SPATA31C1: variants seen among roughly 807,000 people sequenced by gnomAD.
SPATA31C1 encodes the protein SPATA31 subfamily C member 1.
chr9:87,920,876 C>T (rs1380481497), exon 5 of SPATA31C1: 1 of 1,613,406 alleles, frequency 6.2e-7, no homozygotes, highest in South Asian at 1.1e-5. Context: ...CCACAATGTC[C>T]CCACTGCTTT....
At chr9:87,922,436 C>T (rs1048037605) in exon 5 of SPATA31C1, 1 of 1,610,288 alleles carries the variant, frequency 6.2e-7, no homozygotes, top group African/African-American at 1.3e-5. Flanking sequence ...GCTCTCTACT[C>T]CCTAGAATGT....
At chr9:87,921,105 A>T in exon 5 of SPATA31C1, 2 of 1,611,528 alleles carry the variant, frequency 1.2e-6, no homozygotes, top group Non-Finnish European at 1.7e-6. Flanking sequence ...CTTACCTGAA[A>T]CTCAGCACCC....
intron 1 of SPATA31C1, among the ~76,000 whole-genome samples, chr9:87,916,498 A>G (rs1828722901): frequency 6.7e-6 from 1 of 149,816 alleles, no homozygotes; most frequent in South Asian, 2.1e-4. Flanking sequence ...ACCATATCTG[A>G]CAAGGAGCTC....
intron 3 of SPATA31C1, 134 bp downstream of exon 2, chr9:87,919,482 C>G (rs1360267262): frequency 2.2e-6 from 3 of 1,359,978 alleles, no homozygotes; most frequent in Non-Finnish European, 2.0e-6. Flanking sequence ...GGGTCCTTCT[C>G]AGATTCTGTG....
intron 4 of SPATA31C1, 117 bp from the exon 4 acceptor site, chr9:87,920,135 G>C: frequency 1.3e-6 from 2 of 1,599,690 alleles, no homozygotes; most frequent in Non-Finnish European, 1.7e-6. Context: ...TGGGTGGTCA[G>C]GGTGTGGCGT....
intron 1 of SPATA31C1, among the ~76,000 whole-genome samples, chr9:87,916,517 A>C (rs1828723259): frequency 6.7e-6 from 1 of 149,896 alleles, no homozygotes; most frequent in African/African-American, 2.4e-5. Flanking sequence ...TCATATCTAG[A>C]ATATTGTTTA....
At chr9:87,915,303 GTGTGTGTT>G (rs1259615183) in intron 1 of SPATA31C1, among the ~76,000 whole-genome samples, 2 of 132,654 alleles carry the variant, frequency 1.5e-5, no homozygotes, top group Non-Finnish European at 1.6e-5. Context: ...GTGTGTGTGC[GTGTGTGTT>G]TGTGTGTTAT....
chr9:87,923,158 T>C (rs1166086290), exon 5 of SPATA31C1: 7 of 1,603,064 alleles, frequency 4.4e-6, no homozygotes, highest in Non-Finnish European at 6.0e-6. Context: ...GCCTCGAAGG[T>C]AAATCAGCAA....
exon 5 of SPATA31C1, chr9:87,922,229 G>T: frequency 6.2e-7 from 1 of 1,613,224 alleles, no homozygotes; most frequent in Non-Finnish European, 8.5e-7. Flanking sequence ...AGGGCAGGTG[G>T]CCATCTAAGC....
chr9:87,915,712 C>G (rs1261173208), intron 1 of SPATA31C1, among the ~76,000 whole-genome samples: 4 of 142,706 alleles, frequency 2.8e-5, no homozygotes, highest in Admixed American at 6.9e-5. Context: ...GCACTTTTTT[C>G]AAAAGTCAGT....
chr9:87,915,418 T>C lies in SPATA31C1; in HGVS notation n.189+708T>C, dbSNP rs1414056743. 2.8e-5 allele frequency among the ~76,000 whole-genome samples: 4 copies of C among 144,376 alleles called. 2 individuals carry two copies. The highest frequency in any genetic ancestry group is 4.2e-4 in the East Asian group (2 of 4,716). 94.7% of individuals were successfully genotyped at this position (144,376 alleles called of 152,430 possible). A position where few individuals can be genotyped will look rare whatever the true frequency, so the allele number is the denominator to read the frequency against. ...CCAGAGTTCAAGCTATTCTCCTGTC[T>C]TAGCGTACTGAGTAGCTGGGGATTA... On this transcript the variant is annotated intron_variant and non_coding_transcript_variant, in intron 1 of 4. Coordinates refer to ENST00000420021, the Ensembl canonical transcript of SPATA31C1.
Position 87,921,951 on chromosome 9 carries a change from A to G in SPATA31C1, n.2341A>G, listed in dbSNP as rs746433195. On this transcript the variant is annotated non_coding_transcript_exon_variant, in exon 5 of 5. Coordinates refer to ENST00000420021, the Ensembl canonical transcript of SPATA31C1. ...GCCCATTCAGTGCTTTCAACTGGAAAAGGTTTCATCCTTGTCCCTTATACA... is the reference window on the plus strand; with the variant it reads ...GCCCATTCAGTGCTTTCAACTGGAAGAGGTTTCATCCTTGTCCCTTATACA... 3 of 1,612,420 alleles carry G rather than the reference A, an allele frequency of 1.9e-6. No individual in the cohort carries two copies. In the Admixed American group the frequency reaches 5.0e-5, roughly 27 times the overall value.
chr9:87,923,319 A>G (rs748831468), exon 5 of SPATA31C1: 2 of 1,602,480 alleles, frequency 1.2e-6, no homozygotes, highest in Non-Finnish European at 1.7e-6. Context: ...CAGACAAATC[A>G]GAGATCAGCA....
exon 5 of SPATA31C1, chr9:87,923,068 G>C (rs781407505): frequency 1.2e-6 from 2 of 1,601,240 alleles, no homozygotes; most frequent in African/African-American, 1.3e-5. Context: ...GTGTACGGCA[G>C]CAGTGCTGAA....
intron 1 of SPATA31C1, among the ~76,000 whole-genome samples, chr9:87,916,731 C>T (rs1363400275): frequency 4.6e-5 from 5 of 107,868 alleles, no homozygotes; most frequent in African/African-American, 1.3e-4. Context: ...GGCACGGTGG[C>T]TCACGCCTGT....
At position 87,922,292 on chromosome 9, in the gene SPATA31C1, C is replaced by T. The variant is rs1214976545; in HGVS notation, n.2682C>T. The stretch of plus-strand genomic sequence containing the variant: ...CCCAGCAGAGCAGGAGCTTAGGAGC[C>T]CAATCTTCAAGGGCTGGAGAGACCA... On this transcript the variant is annotated non_coding_transcript_exon_variant, in exon 5 of 5. Coordinates refer to ENST00000420021, the Ensembl canonical transcript of SPATA31C1. 4 of 1,612,036 alleles carry T rather than the reference C, an allele frequency of 2.5e-6. No homozygotes were observed. The African/African-American group carries it at 5.3e-5, about 22-fold the overall frequency.
exon 5 of SPATA31C1, chr9:87,922,933 C>A: frequency 6.2e-7 from 1 of 1,601,040 alleles, no homozygotes. Flanking sequence ...AAGAAACAGC[C>A]TCCTTCAATA....
At chr9:87,919,337 A>G in exon 3 of SPATA31C1, 1 of 1,602,044 alleles carries the variant, frequency 6.2e-7, no homozygotes, top group Non-Finnish European at 8.5e-7. Context: ...ATGAAAAACC[A>G]CAGTCTGAGA....
At chr9:87,919,099 T>C (rs1195754928) in intron 2 of SPATA31C1, 156 bp from the exon 2 acceptor site, 11 of 1,215,658 alleles carry the variant, frequency 9.0e-6, no homozygotes, top group African/African-American at 1.5e-5. Context: ...AGAAAAGCAG[T>C]TTATCATCCA....
Sources: gnomAD v4.1 joint callset for allele counts (sites outside exome capture counted in the v4.1 genomes callset) on GRCh38, gnomAD v4.1.1 for gene constraint, MANE v1.5 for transcripts, NCBI Gene and HGNC (gene_info 2026-07-23, HGNC 2026-07-21) for gene names.